ANKRD30A: variants seen among roughly 807,000 people sequenced by gnomAD.
The protein encoded by ANKRD30A is ankyrin repeat domain 30A, also known as ankyrin repeat domain-containing protein 30A.
In ANKRD30A, 170 loss-of-function variants were observed where a neutral mutation model predicts 166.3. That is an observed-to-expected ratio of 1.02 (90% CI 0.90 to 1.16). ANKRD30A has a LOEUF of 1.16. Among genes scored for constraint, ANKRD30A ranks in the 50% most tolerant of loss-of-function variants. The pLI, the probability that ANKRD30A is intolerant of heterozygous loss-of-function variation, is 0.00. For missense variants in ANKRD30A, 1,630 were observed against 1,518.0 expected (o/e 1.07, Z -1.23); for synonymous variants, 564 against 508.9 (o/e 1.11, Z -1.46).
chr10:37,231,565 T>G lies in ANKRD30A; in HGVS notation c.*96T>G. 1 of 994,414 alleles carries G rather than the reference T, an allele frequency of 1.0e-6. No homozygotes were observed. The highest frequency in any genetic ancestry group is 1.7e-5 in the African/African-American group (1 of 59,748). 61.6% of individuals were successfully genotyped at this position (994,414 alleles called of 1,614,324 possible). The stretch of plus-strand genomic sequence containing the variant: ...GGCCAGTCCTAGCATCACCTTATGT[T>G]GAAAATCTTACCAATAGTCTGTGTC... On this transcript the variant is annotated 3_prime_UTR_variant, in exon 35 of 36. Transcript: ENST00000361713.
the ANKRD30A span, among the ~76,000 whole-genome samples, chr10:37,245,605 C>A: frequency 3.3e-5 from 5 of 151,856 alleles, no homozygotes; most frequent in Non-Finnish European, 7.4e-5. Flanking sequence ...TAATAGATCA[C>A]CACAATCATA....
At chr10:37,248,944 T>A in the ANKRD30A span, among the ~76,000 whole-genome samples, 1 of 152,128 alleles carries the variant, frequency 6.6e-6, no homozygotes, top group African/African-American at 2.4e-5. Context: ...CACAGCTGCA[T>A]GGCCATGCTG....
At chr10:37,164,947 G>A (rs978781913) in intron 17 of ANKRD30A, 147 bp from the exon 18 acceptor site, 7 of 764,038 alleles carry the variant, frequency 9.2e-6, no homozygotes, top group South Asian at 1.6e-5. Flanking sequence ...AATGACTATA[G>A]AAGTAGTCAT....
chr10:37,236,908 G>A (rs773918562), downstream of ANKRD30A, among the ~76,000 whole-genome samples: 16 of 152,040 alleles, frequency 1.1e-4, no homozygotes, highest in African/African-American at 2.7e-4. Flanking sequence ...TTTCTCCTTC[G>A]AGTTCCTTTT....
chr10:37,197,884 C>G (rs1474487185), intron 29 of ANKRD30A, among the ~76,000 whole-genome samples: 1 of 151,854 alleles, frequency 6.6e-6, no homozygotes, highest in African/African-American at 2.4e-5. Flanking sequence ...CTTGAATTAC[C>G]TCGTTTCCAG....
At chr10:37,260,553 T>C in the ANKRD30A span, among the ~76,000 whole-genome samples, 3 of 152,220 alleles carry the variant, frequency 2.0e-5, no homozygotes, top group Non-Finnish European at 4.4e-5. Flanking sequence ...GGAGAAAGTG[T>C]GTGCCTAGAA....
At position 37,222,010 on chromosome 10, in the gene ANKRD30A, A is replaced by G. The variant is rs558881869; in HGVS notation, c.4185+2113A>G. Among the ~76,000 whole-genome samples, 12 of 151,508 alleles carry G rather than the reference A, an allele frequency of 7.9e-5. No individual in the cohort carries two copies. In the East Asian group the frequency reaches 1.9e-3, roughly 25 times the overall value. On this transcript the variant is annotated intron_variant, in intron 34 of 35. Coordinates refer to ENST00000361713, the MANE Select transcript of ANKRD30A (RefSeq NM_052997.3). ...ATAAACATAAACATTTAGATCATGT[A>G]TAGTATGCATTCAAACATTCAAAAT...
Position 37,130,394 on chromosome 10 carries a change from T to C in ANKRD30A, c.510+16T>C. On this transcript the variant is annotated intron_variant, in intron 3 of 35. Transcript: ENST00000361713. The stretch of plus-strand genomic sequence containing the variant: ...GCACAACAAGGTAGACACTAACCAA[T>C]GTTATTTTCAAAATATTTGAAATCC... 1 of 1,405,548 alleles carries C rather than the reference T, an allele frequency of 7.1e-7. No homozygotes were observed. Among genetic ancestry groups the C allele is most frequent in the Non-Finnish European group, 9.3e-7 (1 of 1,071,374 alleles). 87.1% of individuals were successfully genotyped at this position (1,405,548 alleles called of 1,614,324 possible).
chr10:37,246,821 A>T, the ANKRD30A span, among the ~76,000 whole-genome samples: 5 of 152,164 alleles, frequency 3.3e-5, no homozygotes, highest in African/African-American at 9.7e-5. Flanking sequence ...ACATTGTAGG[A>T]TGCTTACCAG....
chr10:37,152,093 A>T lies in ANKRD30A; in HGVS notation c.1679A>T (p.Asp560Val), dbSNP rs1162681142. ...PMFPPESKQK[D>V]YEENSWDSES... ...TTCCCACCAGAATCCAAACAAAAGG[A>T]CTATGAAGAAAATTCTTGGGATTCT... The change falls in exon 12 of 36, where the codon GAC becomes GTC. Residue 560 changes from aspartate to valine, a missense_variant. Asp to Val is a radical substitution (Grantham distance 152, BLOSUM62 -3). This residue lies in a region of ANKRD30A where 904 missense variants were observed against 818.5 expected (regional missense o/e 1.10). Transcript: ENST00000361713. 6.2e-7 allele frequency: 1 copy of T among 1,609,820 alleles called. No homozygotes were observed. The highest frequency in any genetic ancestry group is 1.1e-5 in the South Asian group (1 of 90,358).
At chr10:37,243,603 G>T in the ANKRD30A span, among the ~76,000 whole-genome samples, 1 of 151,956 alleles carries the variant, frequency 6.6e-6, no homozygotes, top group Non-Finnish European at 1.5e-5. Context: ...ACTTAACGTG[G>T]TCAATAGGTC....
chr10:37,148,613 A>G (rs1837684246), intron 9 of ANKRD30A, among the ~76,000 whole-genome samples: 1 of 152,084 alleles, frequency 6.6e-6, no homozygotes, highest in Admixed American at 6.6e-5. Flanking sequence ...TTTGCACTCC[A>G]GAAAGTAAAT....
intron 31 of ANKRD30A, among the ~76,000 whole-genome samples, chr10:37,209,440 G>A (rs1242540993): frequency 6.6e-6 from 1 of 152,020 alleles, no homozygotes; most frequent in Admixed American, 6.6e-5. Flanking sequence ...AGAGGTGGGA[G>A]GTGCCATGCA....
At position 37,219,017 on chromosome 10, in the gene ANKRD30A, A is replaced by C; in HGVS notation, c.3305A>C (p.His1102Pro). ...HTHENENYLL[H>P]ENCMLKKEIA... Reference sequence around the variant, plus strand: ...CATGAAAATGAAAATTATCTCTTACATGAAAATTGCATGTTGAAAAAGGAA... The same window carrying C: ...CATGAAAATGAAAATTATCTCTTACCTGAAAATTGCATGTTGAAAAAGGAA... The change falls in exon 34 of 36, where the codon CAT becomes CCT. Residue 1102 changes from histidine to proline, a missense_variant. His to Pro is a moderately conservative substitution (Grantham distance 77). Around this residue, in one of 4 missense-constraint regions of ANKRD30A, gnomAD observed 712 missense variants for 629.3 expected, o/e 1.13. Coordinates refer to ENST00000361713, the MANE Select transcript of ANKRD30A (RefSeq NM_052997.3). The C allele has an allele frequency of 6.3e-7, 1 of 1,593,196 alleles. No individual in the cohort carries two copies. Among genetic ancestry groups the C allele is most frequent in the South Asian group, 1.2e-5 (1 of 86,780 alleles).
At chr10:37,208,642 A>G (rs1351768552) in intron 31 of ANKRD30A, among the ~76,000 whole-genome samples, 2 of 152,104 alleles carry the variant, frequency 1.3e-5, no homozygotes, top group Admixed American at 6.6e-5. Context: ...GAGAACTAGC[A>G]TTTGGGAAAA....
chr10:37,233,297 A>G (rs202131739), downstream of ANKRD30A, among the ~76,000 whole-genome samples: 101 of 152,236 alleles, frequency 6.6e-4, 1 homozygote, highest in East Asian at 0.015. Flanking sequence ...GTCAGGGTCT[A>G]AGTGCTTCAG....
chr10:37,178,879 G>A (rs1208009248), intron 24 of ANKRD30A, among the ~76,000 whole-genome samples: 5 of 150,710 alleles, frequency 3.3e-5, no homozygotes, highest in South Asian at 2.1e-4. Flanking sequence ...AGCTCACTTC[G>A]GAAGCATTTA....
chr10:37,230,851 G>T (rs1843383145), intron 34 of ANKRD30A, among the ~76,000 whole-genome samples: 1 of 152,062 alleles, frequency 6.6e-6, no homozygotes, highest in Admixed American at 6.6e-5. Flanking sequence ...TAGCCTGAAG[G>T]TTTGTGTGGA....
chr10:37,209,225 T>C (rs988710895), intron 31 of ANKRD30A, among the ~76,000 whole-genome samples: 1 of 152,184 alleles, frequency 6.6e-6, no homozygotes, highest in Non-Finnish European at 1.5e-5. Flanking sequence ...GTACTGTGTA[T>C]TAGGCTATTT....
Sources: allele counts gnomAD v4.1 joint callset (sites outside exome capture counted in the v4.1 genomes callset), GRCh38; gene constraint gnomAD v4.1.1; regional missense constraint gnomAD v4.1.1; transcripts MANE v1.5; gene names NCBI Gene and HGNC (gene_info 2026-07-23, HGNC 2026-07-21).